The following MACROD2 variants were observed in gnomAD, a reference collection of about 807,000 sequenced individuals.
MACROD2 encodes ADP-ribose glycohydrolase MACROD2.
In MACROD2, 36 loss-of-function variants were observed where a neutral mutation model predicts 70.4. The observed-to-expected ratio is 0.51, with a 90% confidence interval of 0.39 to 0.68. MACROD2 has a LOEUF of 0.68. MACROD2 is among the 30% of genes least tolerant of loss of function. MACROD2 has a pLI of 0.00. For missense variants in MACROD2, 496 were observed against 538.4 expected (o/e 0.92, Z 0.78); for synonymous variants, 172 against 178.8 (o/e 0.96, Z 0.30).
intron 6 of MACROD2, among the ~76,000 whole-genome samples, chr20:15,356,846 T>A (rs1215854867): frequency 6.6e-6 from 1 of 152,226 alleles, no homozygotes; most frequent in Non-Finnish European, 1.5e-5. Flanking sequence ...TGATAATTTG[T>A]CCTGTAGCCA....
intron 3 of MACROD2, among the ~76,000 whole-genome samples, chr20:14,242,120 T>A (rs2081934722): frequency 6.6e-6 from 1 of 152,194 alleles, no homozygotes; most frequent in Non-Finnish European, 1.5e-5. Context: ...TCTGTTCATT[T>A]GGGTTATTCA....
chr20:15,730,803 CCT>C (rs1285779517), intron 8 of MACROD2, among the ~76,000 whole-genome samples: 2 of 150,732 alleles, frequency 1.3e-5, no homozygotes, highest in East Asian at 3.9e-4. Flanking sequence ...GCTGTCTCTT[CCT>C]CTCTTTCAGG....
At chr20:15,456,690 G>A (rs1425579295) in intron 7 of MACROD2, among the ~76,000 whole-genome samples, 1 of 152,126 alleles carries the variant, frequency 6.6e-6, no homozygotes, top group Non-Finnish European at 1.5e-5. Context: ...TTTCCCTAGA[G>A]CAGTAGTTTT....
intron 5 of MACROD2, among the ~76,000 whole-genome samples, chr20:15,085,411 T>TA (rs1275809956): frequency 6.6e-6 from 1 of 151,900 alleles, no homozygotes; most frequent in Non-Finnish European, 1.5e-5. Context: ...TCATCAAAAT[T>TA]AAAAACTTTT....
At chr20:15,044,191 C>G (rs1166194991) in intron 5 of MACROD2, among the ~76,000 whole-genome samples, 4 of 152,118 alleles carry the variant, frequency 2.6e-5, no homozygotes, top group African/African-American at 7.2e-5. Context: ...CATCCTGAAG[C>G]TATTTAGGGG....
rs1162600148 is a variant in MACROD2 at position 14,464,668 on chromosome 20, G to A, written c.272-28811G>A. On this transcript the variant is annotated intron_variant, in intron 3 of 17. Transcript: ENST00000684519. ...ATCTTTCCTGCTTTCTCTTGTGGGC[G>A]TTTAGTGCTATAAATTTCCATCTAA... is the stretch of plus-strand genomic sequence containing the variant. 6.5e-4 allele frequency among the ~76,000 whole-genome samples: 99 copies of A among 151,862 alleles called. 1 individual carries two copies. Among genetic ancestry groups the A allele is most frequent in the Admixed American group, 6.4e-3 (97 of 15,228 alleles).
intron 7 of MACROD2, among the ~76,000 whole-genome samples, chr20:15,433,389 G>A (rs1381658051): frequency 1.4e-5 from 2 of 139,050 alleles, no homozygotes; most frequent in Non-Finnish European, 3.0e-5. Flanking sequence ...GAAATCAGTA[G>A]CACTGCTATA....
Position 14,221,386 on chromosome 20 carries a change from T to C in MACROD2, c.271+135658T>C, listed in dbSNP as rs147794080. The stretch of plus-strand genomic sequence containing the variant: ...AAGCATGTTGGGGGGCTGACACAAG[T>C]GCTTTGCAAACAATAAATGCCCTGT... On this transcript the variant is annotated intron_variant, in intron 3 of 17. Transcript: ENST00000684519. Among the ~76,000 whole-genome samples the C allele has an allele frequency of 3.6e-3, 545 of 152,252 alleles. 4 individuals are homozygous for C. Among genetic ancestry groups the C allele is most frequent in the African/African-American group, 0.012 (515 of 41,550 alleles).
chr20:16,003,009 A>C (rs981680792), intron 15 of MACROD2, among the ~76,000 whole-genome samples: 1 of 151,830 alleles, frequency 6.6e-6, no homozygotes, highest in Non-Finnish European at 1.5e-5. Context: ...ACTATCCAGC[A>C]TGAATATGTA....
intron 3 of MACROD2, among the ~76,000 whole-genome samples, chr20:14,469,249 A>G (rs2084497761): frequency 6.6e-6 from 1 of 152,146 alleles, no homozygotes; most frequent in African/African-American, 2.4e-5. Context: ...AATGTTGAAT[A>G]TTGGCCCCCA....
At chr20:15,855,643 G>A (rs2064348464) in intron 8 of MACROD2, among the ~76,000 whole-genome samples, 2 of 152,072 alleles carry the variant, frequency 1.3e-5, no homozygotes, top group South Asian at 4.1e-4. Flanking sequence ...CAAAAAACCA[G>A]GATCCCAGGC....
At chr20:15,555,289 G>A (rs1174283319) in intron 8 of MACROD2, among the ~76,000 whole-genome samples, 1 of 152,200 alleles carries the variant, frequency 6.6e-6, no homozygotes, top group Non-Finnish European at 1.5e-5. Flanking sequence ...TTTTGGAATA[G>A]GGATGTGGAG....
chr20:14,077,947 G>A (rs1472126360), intron 2 of MACROD2, among the ~76,000 whole-genome samples: 2 of 149,818 alleles, frequency 1.3e-5, no homozygotes, highest in Non-Finnish European at 3.0e-5. Flanking sequence ...CTGTTTCCCA[G>A]GCTAGAGTGC....
At chr20:14,404,184 T>A (rs2083668103) in intron 3 of MACROD2, among the ~76,000 whole-genome samples, 1 of 152,174 alleles carries the variant, frequency 6.6e-6, no homozygotes, top group African/African-American at 2.4e-5. Context: ...TAAGGTACAT[T>A]AAATATAGAT....
chr20:14,337,842 A>G (rs948579755), intron 3 of MACROD2, among the ~76,000 whole-genome samples: 4 of 152,178 alleles, frequency 2.6e-5, no homozygotes, highest in Admixed American at 1.3e-4. Flanking sequence ...TGGAATCTCA[A>G]CATTTTCTAA....
chr20:14,419,432 G>C (rs902637631), intron 3 of MACROD2, among the ~76,000 whole-genome samples: 1 of 152,142 alleles, frequency 6.6e-6, no homozygotes, highest in Non-Finnish European at 1.5e-5. Context: ...TTAATTATCA[G>C]ATTGATTTCT....
At chr20:15,356,214 C>A (rs899229361) in intron 6 of MACROD2, among the ~76,000 whole-genome samples, 1 of 152,082 alleles carries the variant, frequency 6.6e-6, no homozygotes, top group African/African-American at 2.4e-5. Flanking sequence ...CCTCTTGGTG[C>A]CTCAGTTTTC....
At chr20:14,735,499 G>A (rs1256687193) in intron 5 of MACROD2, among the ~76,000 whole-genome samples, 1 of 152,110 alleles carries the variant, frequency 6.6e-6, no homozygotes, top group African/African-American at 2.4e-5. Context: ...ACAAGTGTTG[G>A]TGAGAATGCG....
intron 5 of MACROD2, among the ~76,000 whole-genome samples, chr20:15,031,000 C>T (rs2075270307): frequency 6.6e-6 from 1 of 152,206 alleles, no homozygotes; most frequent in African/African-American, 2.4e-5. Context: ...GCCCAGATCC[C>T]ACACCTGCCA....
Sources: allele counts gnomAD v4.1 joint callset (sites outside exome capture counted in the v4.1 genomes callset), GRCh38; gene constraint gnomAD v4.1.1; transcripts MANE v1.5; gene names NCBI Gene and HGNC (gene_info 2026-07-23, HGNC 2026-07-21).